Variants in PROSER2 observed in about 807,000 individuals in gnomAD.
The protein encoded by PROSER2 is proline and serine-rich protein 2.
PROSER2 carries 18 observed loss-of-function variants against 14.6 expected under a neutral mutation model. The observed-to-expected ratio is 1.23, with a 90% CI of 0.85 to 1.83. The LOEUF (loss-of-function observed/expected upper bound fraction) is 1.83. Among genes scored for constraint, PROSER2 ranks in the 40% most tolerant of loss-of-function variants. PROSER2 has a pLI of 0.00. For synonymous variants in PROSER2, 367 were observed against 286.4 expected, an observed-to-expected ratio of 1.28 and a Z score of -2.84; for missense variants, 823 against 629.8, an observed-to-expected ratio of 1.31 and a Z score of -3.28.
chr10:11,839,373 C>G (rs1833804953), intron 1 of PROSER2, among the ~76,000 whole-genome samples: 1 of 152,016 alleles, frequency 6.6e-6, no homozygotes, highest in Non-Finnish European at 1.5e-5. Flanking sequence ...ATAAATTCAA[C>G]TACATAAAAA....
chr10:11,825,439 CTG>C (rs766709055), intron 1 of PROSER2, among the ~76,000 whole-genome samples: 1 of 152,168 alleles, frequency 6.6e-6, no homozygotes, highest in Non-Finnish European at 1.5e-5. Context: ...CTAGGTGCCT[CTG>C]TGCTCTAAGA....
At chr10:11,849,236 T>C (rs903942651) in intron 1 of PROSER2, among the ~76,000 whole-genome samples, 2 of 152,182 alleles carry the variant, frequency 1.3e-5, no homozygotes, top group African/African-American at 4.8e-5. Context: ...TCCTTAAATC[T>C]TAGGGCCATG....
intron 1 of PROSER2, among the ~76,000 whole-genome samples, chr10:11,835,497 G>A (rs1480344169): frequency 1.3e-5 from 2 of 152,104 alleles, no homozygotes; most frequent in African/African-American, 4.8e-5. Flanking sequence ...GTTTTTTAAA[G>A]CCCTACTTAA....
intron 1 of PROSER2, among the ~76,000 whole-genome samples, chr10:11,825,125 C>A (rs981928489): frequency 1.3e-5 from 2 of 152,174 alleles, no homozygotes; most frequent in Non-Finnish European, 2.9e-5. Flanking sequence ...CCAAGGCGCC[C>A]AGAGTTGGCA....
chr10:11,826,856 A>C (rs1833622009), intron 1 of PROSER2, among the ~76,000 whole-genome samples: 1 of 148,350 alleles, frequency 6.7e-6, no homozygotes, highest in South Asian at 2.1e-4. Context: ...CTGGGATTAC[A>C]GGCATGAGCC....
rs576410557 is a variant in PROSER2 at position 11,865,485 on chromosome 10, C to G, written c.139-1046C>G. Among the ~76,000 whole-genome samples the G allele has an allele frequency of 1.3e-5, 2 of 152,152 alleles. No individual in the cohort carries two copies. Among genetic ancestry groups the G allele is most frequent in the South Asian group, 4.1e-4 (2 of 4,824 alleles). On this transcript the variant is annotated intron_variant, in intron 2 of 3. Transcript: ENST00000277570. This position sits in a 1 kb window ranked among gnomAD's most constrained non-coding sequence, Gnocchi z 4.2. ...ACATTAACAGTTTTCCTCAGATGCTCGGTGGTTATTAGATATCTGCGCATA... is the reference window on the plus strand; with the variant it reads ...ACATTAACAGTTTTCCTCAGATGCTGGGTGGTTATTAGATATCTGCGCATA...
rs1001800199 is a variant in PROSER2 at position 11,869,970 on chromosome 10, G to C, written c.872G>C (p.Gly291Ala). The C allele has an allele frequency of 4.4e-6, 6 of 1,360,368 alleles. No individual in the cohort carries two copies. The African/African-American group carries it at 9.2e-5, about 21-fold the overall frequency. The allele number at this position is 1,360,368 out of a possible 1,614,324, so 84.3% of individuals were successfully genotyped here. A position where few individuals can be genotyped will look rare whatever the true frequency, so the allele number is the denominator to read the frequency against. The change falls in exon 4 of 4, where the codon GGC becomes GCC. Residue 291 changes from glycine to alanine, a missense_variant. Gly to Ala is a moderately conservative substitution (Grantham distance 60, BLOSUM62 0). Transcript: ENST00000277570. The surrounding 1 kb of genome is among the most constrained non-coding windows in gnomAD (Gnocchi z 4.4). ...RRAQVLATIH[G>A]HAGAFPAAGD... ...GCGCAGGTGTTGGCCACCATCCACG[G>C]CCACGCCGGCGCCTTCCCCGCCGCG...
intron 2 of PROSER2, among the ~76,000 whole-genome samples, chr10:11,864,162 T>G (rs1270443582): frequency 6.6e-6 from 1 of 152,178 alleles, no homozygotes; most frequent in Non-Finnish European, 1.5e-5. Context: ...CCTTTATTCT[T>G]CCGTAGTTCT....
rs2131100520 is a variant in PROSER2, at chr10:11,870,101, G to A, written c.1003G>A (p.Ala335Thr). The A allele has an allele frequency of 2.3e-6, 3 of 1,315,466 alleles. No homozygotes were observed. The highest frequency in any genetic ancestry group is 3.2e-5 in the East Asian group (1 of 30,838). The allele number at this position is 1,315,466 out of a possible 1,614,324, so 81.5% of individuals were successfully genotyped here. ...TGAGAGTCTCCGGGCAGGGGGTCAG[G>A]CTCCGCGGGGCCCGGCGCTGGCCAA... ...PAESLRAGGQ[A>T]PRGPALANGF... Residue 335 changes from alanine (A) to threonine (T), a missense_variant, in exon 4 of 4, where the codon GCT becomes ACT. By Grantham distance (58) the Ala-to-Thr change is moderately conservative (BLOSUM62 0). Transcript: ENST00000277570.
chr10:11,834,852 A>G (rs1833737427), intron 1 of PROSER2, among the ~76,000 whole-genome samples: 2 of 152,108 alleles, frequency 1.3e-5, no homozygotes, highest in South Asian at 4.1e-4. Context: ...CCTGTAATCA[A>G]TCCCAGCACT....
intron 2 of PROSER2, among the ~76,000 whole-genome samples, chr10:11,854,041 G>T (rs1834078503): frequency 6.6e-6 from 1 of 152,150 alleles, no homozygotes; most frequent in Non-Finnish European, 1.5e-5. Context: ...CTATAATTAA[G>T]TTACGTCTAC....
In PROSER2 at chr10:11,838,792, G is replaced by A. The variant is rs555525046; in HGVS notation, c.-81-13205G>A. Among the ~76,000 whole-genome samples the A allele has an allele frequency of 1.2e-3, 177 of 152,164 alleles. No individual in the cohort carries two copies. Among genetic ancestry groups the A allele is most frequent in the African/African-American group, 4.2e-3 (173 of 41,504 alleles). ...TACTTAATAATCATCTGGTTTCCTC[G>A]TTTGTACACTGTCTAATCATATTCC... On this transcript the variant is annotated intron_variant, in intron 1 of 3. Transcript: ENST00000277570. This position sits in a 1 kb window ranked among gnomAD's most constrained non-coding sequence, Gnocchi z 4.4.
At chr10:11,844,993 G>C (rs1833903378) in intron 1 of PROSER2, among the ~76,000 whole-genome samples, 1 of 152,160 alleles carries the variant, frequency 6.6e-6, no homozygotes, top group Non-Finnish European at 1.5e-5. Context: ...CCCCTTATGT[G>C]AGACACTTAG....
At chr10:11,839,238 C>G (rs1037173217) in intron 1 of PROSER2, among the ~76,000 whole-genome samples, 6 of 151,998 alleles carry the variant, frequency 3.9e-5, no homozygotes, top group African/African-American at 1.5e-4. Context: ...CAAGGCAGAT[C>G]AGATATTTAA....
At chr10:11,832,576 A>T (rs1393229514) in intron 1 of PROSER2, among the ~76,000 whole-genome samples, 1 of 152,174 alleles carries the variant, frequency 6.6e-6, no homozygotes, top group Non-Finnish European at 1.5e-5. Flanking sequence ...ATCGTTATTT[A>T]TGAAGCTGGG....
At position 11,836,177 on chromosome 10, in the gene PROSER2, G is replaced by A. The variant is rs1416005069; in HGVS notation, c.-82+12707G>A. ...CTCCCGAGTAGCTGGGATTACAGGC[G>A]TCCACCACTATGCCCGGCTAATTTT... is the stretch of plus-strand genomic sequence containing the variant. On this transcript the variant is annotated intron_variant, in intron 1 of 3. Transcript: ENST00000277570. The surrounding 1 kb of genome is among the most constrained non-coding windows in gnomAD (Gnocchi z 4.6). Among the ~76,000 whole-genome samples the A allele has an allele frequency of 1.3e-5, 2 of 151,764 alleles. No individual in the cohort carries two copies. The highest frequency in any genetic ancestry group is 4.8e-5 in the African/African-American group (2 of 41,310).
At chr10:11,857,793 A>G (rs1834151689) in intron 2 of PROSER2, among the ~76,000 whole-genome samples, 1 of 151,826 alleles carries the variant, frequency 6.6e-6, no homozygotes, top group Non-Finnish European at 1.5e-5. Flanking sequence ...TTGTCCCGAA[A>G]CTGTGCCGCG....
chr10:11,841,068 A>G (rs1833839983), intron 1 of PROSER2, among the ~76,000 whole-genome samples: 1 of 144,066 alleles, frequency 6.9e-6, no homozygotes, highest in Admixed American at 7.2e-5. Flanking sequence ...AATGTTTGGT[A>G]GAACTCTCCA....
At position 11,869,594 on chromosome 10, in the gene PROSER2, A is replaced by C; in HGVS notation, c.496A>C (p.Ser166Arg). 1 of 1,602,488 alleles carries C rather than the reference A, an allele frequency of 6.2e-7. No individual in the cohort carries two copies. Among genetic ancestry groups the C allele is most frequent in the Non-Finnish European group, 8.5e-7 (1 of 1,172,558 alleles). The change falls in exon 4 of 4, where the codon AGC (serine) becomes CGC (arginine). Residue 166 changes from serine (S) to arginine (R), a missense_variant. Physicochemically the swap from Ser to Arg is moderately radical, Grantham distance 110. Coordinates refer to ENST00000277570, the MANE Select transcript of PROSER2 (RefSeq NM_153256.4). The surrounding 1 kb of genome is among the most constrained non-coding windows in gnomAD (Gnocchi z 4.4). ...ETLLAPPPLPSTPDPPRRELR... is the reference protein window; with the variant it reads ...ETLLAPPPLPRTPDPPRRELR... Reference sequence around the variant, plus strand: ...CCTTCTTGCGCCACCACCCCTGCCTAGCACCCCCGATCCCCCCAGGAGGGA... The same window carrying C: ...CCTTCTTGCGCCACCACCCCTGCCTCGCACCCCCGATCCCCCCAGGAGGGA...
Sources: allele counts gnomAD v4.1 joint callset (sites outside exome capture counted in the v4.1 genomes callset), GRCh38; gene constraint gnomAD v4.1.1; non-coding constraint Gnocchi (gnomAD v3.1); transcripts MANE v1.5; gene names NCBI Gene and HGNC (gene_info 2026-07-23, HGNC 2026-07-21).